The following NAA15 variants were observed in gnomAD, a reference collection of about 807,000 sequenced individuals.
NAA15 encodes N-terminal acetyltransferase.
Under a neutral mutation model 114.0 loss-of-function variants are expected in NAA15, and 34 were observed. The observed-to-expected ratio is 0.30, with a 90% CI of 0.23 to 0.40. The LOEUF (loss-of-function observed/expected upper bound fraction) is 0.40, where lower values mean the gene tolerates loss of function less well. NAA15 is among the 10% of genes least tolerant of loss of function. The probability of loss-of-function intolerance (pLI) is 1.00; values close to 1 mark genes in which losing one functional copy is unlikely to be tolerated. For synonymous variants in NAA15, 340 were observed against 338.0 expected (o/e 1.01, Z -0.06); for missense variants, 658 against 1,004.5 (o/e 0.66, Z 4.66).
chr4:139,354,060 A>T lies in NAA15; in HGVS notation c.1049A>T (p.Glu350Val). ...AIIEELVVGY[E>V]TSLKSCRLFN... The stretch of plus-strand genomic sequence containing the variant: ...ATAGAAGAGTTAGTAGTAGGTTATG[A>T]AACCTCTCTAAAAAGCTGCCGGTTA... Residue 350 changes from glutamate (E) to valine (V), a missense_variant, in exon 10 of 20, where the codon GAA (glutamate) becomes GTA (valine). Around this residue, in one of 6 missense-constraint regions of NAA15, gnomAD observed 281 missense variants for 389.1 expected, o/e 0.72. Transcript: ENST00000296543. The T allele has an allele frequency of 2.5e-6, 4 of 1,613,838 alleles. No individual in the cohort carries two copies. Among genetic ancestry groups the T allele is most frequent in the Non-Finnish European group, 3.4e-6 (4 of 1,179,848 alleles).
rs1349510199 is a variant in NAA15 at position 139,308,483 on chromosome 4, GTT to G, written c.54+6655_54+6656del. On this transcript the variant is annotated intron_variant, in intron 1 of 19. Transcript: ENST00000296543. ...AGAGTGGACAGTAACTTTGAAATTGGTTTTAATATACTTTTGCTTGTACTTCA... is the reference window on the plus strand; with the variant it reads ...AGAGTGGACAGTAACTTTGAAATTGGTTAATATACTTTTGCTTGTACTTCA... 3.3e-5 allele frequency among the ~76,000 whole-genome samples: 5 copies of G among 152,234 alleles called. No homozygotes were observed. In the East Asian group the frequency reaches 9.6e-4, roughly 29 times the overall value.
At chr4:139,361,096 C>T (rs1045541867) in intron 13 of NAA15, among the ~76,000 whole-genome samples, 10 of 152,122 alleles carry the variant, frequency 6.6e-5, no homozygotes, top group Admixed American at 2.0e-4. Context: ...TCACGTCTGA[C>T]TCATTTCCAT....
intron 14 of NAA15, 32 bp downstream of exon 14, chr4:139,361,969 A>C: frequency 2.1e-6 from 3 of 1,454,996 alleles, no homozygotes; most frequent in Non-Finnish European, 2.9e-6. Flanking sequence ...TTGTGCTCTG[A>C]TGTGTTTATG....
In NAA15 at chr4:139,390,102, CTACTG is replaced by C. The variant is rs1288954851; in HGVS notation, c.*2021_*2025del. On this transcript the variant is annotated 3_prime_UTR_variant, in exon 20 of 20. Coordinates refer to ENST00000296543, the MANE Select transcript of NAA15 (RefSeq NM_057175.5). ...TGTATGTGTGAATTTTGTTTAAACT[CTACTG>C]TATATTGAAATGAAATTCATTTATT... 6.6e-6 allele frequency: 1 copy of C among 152,580 alleles called. No homozygotes were observed. The highest frequency in any genetic ancestry group is 1.9e-4 in the East Asian group (1 of 5,200). The allele number at this position is 152,580 out of a possible 1,614,324, so 9.5% of individuals were successfully genotyped here.
chr4:139,322,293 C>A (rs747463877), intron 1 of NAA15, among the ~76,000 whole-genome samples: 3 of 152,196 alleles, frequency 2.0e-5, no homozygotes, highest in Non-Finnish European at 4.4e-5. Context: ...TTTCCCTGCA[C>A]AAGCTCTCTT....
At chr4:139,378,293 C>G (rs897345366) in intron 16 of NAA15, among the ~76,000 whole-genome samples, 1 of 152,032 alleles carries the variant, frequency 6.6e-6, no homozygotes, top group East Asian at 1.9e-4. Flanking sequence ...GAAAAGATAA[C>G]CTTGGTAACT....
intron 2 of NAA15, among the ~76,000 whole-genome samples, chr4:139,335,103 T>G (rs1036931306): frequency 6.6e-6 from 1 of 152,156 alleles, no homozygotes; most frequent in African/African-American, 2.4e-5. Flanking sequence ...GAGGATTGCT[T>G]GAGGCCAGAA....
intron 8 of NAA15, 86 bp from the exon 9 acceptor site, chr4:139,351,419 G>A (rs529369697): frequency 1.9e-6 from 2 of 1,050,994 alleles, no homozygotes; most frequent in Admixed American, 3.8e-5. Context: ...TCTGCTAAAT[G>A]TAAGTTGGTA....
chr4:139,326,927 C>T (rs1349035256), intron 1 of NAA15, among the ~76,000 whole-genome samples: 1 of 152,012 alleles, frequency 6.6e-6, no homozygotes, highest in Admixed American at 6.6e-5. Flanking sequence ...TAACCAGTTA[C>T]TAATAAATAT....
intron 16 of NAA15, among the ~76,000 whole-genome samples, chr4:139,377,132 A>ATT: frequency 1.3e-5 from 2 of 152,258 alleles, no homozygotes; most frequent in African/African-American, 4.8e-5. Context: ...TGCATATTAA[A>ATT]GGAAAGAGAA....
intron 14 of NAA15, among the ~76,000 whole-genome samples, chr4:139,365,868 G>T (rs929494026): frequency 1.6e-4 from 25 of 151,996 alleles, no homozygotes; most frequent in African/African-American, 6.0e-4. Context: ...AAGAAAGAGA[G>T]AAAAAATATA....
chr4:139,371,497 G>GCGCGCGCACA (rs1389164527), intron 15 of NAA15, among the ~76,000 whole-genome samples: 20 of 113,664 alleles, frequency 1.8e-4, no homozygotes, highest in African/African-American at 6.3e-4. Context: ...AAGAAAAGTA[G>GCGCGCGCACA]CACACACACA....
intron 14 of NAA15, among the ~76,000 whole-genome samples, chr4:139,365,516 T>C (rs1333168854): frequency 1.3e-5 from 2 of 152,052 alleles, no homozygotes; most frequent in Non-Finnish European, 2.9e-5. Context: ...ATTCGTGAGG[T>C]TGTTGAGGAC....
Position 139,332,244 on chromosome 4 carries a change from C to T in NAA15, c.55-1930C>T, listed in dbSNP as rs940594555. ...CTCTCGGGTTCAAACGATTCTCCTG[C>T]CTCAGCTTCCCAAGCAGCTAGGATT... is the stretch of plus-strand genomic sequence containing the variant. On this transcript the variant is annotated intron_variant, in intron 1 of 19. Coordinates refer to ENST00000296543, the MANE Select transcript of NAA15 (RefSeq NM_057175.5). Among the ~76,000 whole-genome samples, 22 of 152,062 alleles carry T rather than the reference C, an allele frequency of 1.4e-4. 1 individual carries two copies. The highest frequency in any genetic ancestry group is 4.8e-4 in the African/African-American group (20 of 41,384).
intron 1 of NAA15, among the ~76,000 whole-genome samples, chr4:139,315,583 T>C (rs1490702672): frequency 6.6e-6 from 1 of 151,802 alleles, no homozygotes; most frequent in Non-Finnish European, 1.5e-5. Context: ...AGCAGTACTT[T>C]TCTAAACTAC....
intron 1 of NAA15, among the ~76,000 whole-genome samples, chr4:139,320,395 A>G (rs1023571243): frequency 6.6e-6 from 1 of 152,196 alleles, no homozygotes; most frequent in African/African-American, 2.4e-5. Flanking sequence ...TATTGTGAGT[A>G]GGGTCATATT....
chr4:139,363,782 T>C (rs961456040), intron 14 of NAA15, among the ~76,000 whole-genome samples: 4 of 152,256 alleles, frequency 2.6e-5, no homozygotes, highest in African/African-American at 4.8e-5. Flanking sequence ...AGATTTTCTT[T>C]TATTTTACAT....
intron 14 of NAA15, among the ~76,000 whole-genome samples, chr4:139,366,604 T>G (rs1276336453): frequency 2.8e-5 from 3 of 107,054 alleles, no homozygotes; most frequent in African/African-American, 8.9e-5. Flanking sequence ...CATTTTTGGG[T>G]TTTTTTTTTT....
At chr4:139,352,660 A>G (rs1747816761) in intron 9 of NAA15, among the ~76,000 whole-genome samples, 2 of 123,910 alleles carry the variant, frequency 1.6e-5, no homozygotes, top group Admixed American at 7.8e-5. Context: ...TCCATAAAAT[A>G]TCTTTTTTTT....
Sources: allele counts gnomAD v4.1 joint callset (sites outside exome capture counted in the v4.1 genomes callset), GRCh38; gene constraint gnomAD v4.1.1; regional missense constraint gnomAD v4.1.1; transcripts MANE v1.5; gene names NCBI Gene and HGNC (gene_info 2026-07-23, HGNC 2026-07-21).